The following SHROOM3 variants were observed in gnomAD, a reference collection of about 807,000 sequenced individuals.
SHROOM3 encodes the protein protein Shroom3.
In SHROOM3, 47 loss-of-function variants were observed where a neutral mutation model predicts 138.6. That is an observed-to-expected ratio of 0.34 (90% CI 0.27 to 0.43). The LOEUF is 0.43. Ranked by LOEUF, SHROOM3 falls within the 20% of genes least tolerant of loss-of-function variation. SHROOM3 has a pLI of 1.00. For synonymous variants in SHROOM3, 1,062 were observed against 1,063.3 expected (o/e 1.00, Z 0.02); for missense variants, 2,491 against 2,596.5 (o/e 0.96, Z 0.88).
At chr4:76,449,019 C>T (rs1333311096) in intron 1 of SHROOM3, among the ~76,000 whole-genome samples, 1 of 152,176 alleles carries the variant, frequency 6.6e-6, no homozygotes, top group Non-Finnish European at 1.5e-5. Context: ...TGTGTTTTCT[C>T]TTTTCTCCAC....
chr4:76,598,017 A>G (rs1339674055), intron 2 of SHROOM3, among the ~76,000 whole-genome samples: 1 of 142,034 alleles, frequency 7.0e-6, no homozygotes, highest in East Asian at 2.1e-4. Context: ...AGATGAGAAA[A>G]ATCTATGACT....
At chr4:76,565,188 G>A (rs1733698260) in intron 2 of SHROOM3, among the ~76,000 whole-genome samples, 2 of 149,476 alleles carry the variant, frequency 1.3e-5, no homozygotes, top group Admixed American at 1.3e-4. Flanking sequence ...AAAAAGAATG[G>A]CACTCAAATA....
chr4:76,524,569 G>A (rs1453561959), intron 1 of SHROOM3, among the ~76,000 whole-genome samples: 2 of 152,186 alleles, frequency 1.3e-5, no homozygotes, highest in African/African-American at 2.4e-5. Context: ...TAACAAAACA[G>A]GGTTTCTCCC....
intron 1 of SHROOM3, among the ~76,000 whole-genome samples, chr4:76,441,017 A>G (rs1036345612): frequency 5.6e-5 from 8 of 143,776 alleles, no homozygotes; most frequent in Non-Finnish European, 1.1e-4. Context: ...TTCTTTATCT[A>G]TGGAGGCGAG....
chr4:76,704,495 G>A (rs957778006), intron 2 of SHROOM3, among the ~76,000 whole-genome samples: 1 of 152,238 alleles, frequency 6.6e-6, no homozygotes, highest in Non-Finnish European at 1.5e-5. Flanking sequence ...AAACTAAGGA[G>A]TGGTCAGCCA....
At chr4:76,603,460 A>C (rs1470593007) in intron 2 of SHROOM3, among the ~76,000 whole-genome samples, 1 of 152,128 alleles carries the variant, frequency 6.6e-6, no homozygotes, top group African/African-American at 2.4e-5. Context: ...CAAACAAAAA[A>C]AAACCGTACT....
intron 1 of SHROOM3, 26 bp from the exon 2 acceptor site, chr4:76,555,583 G>T: frequency 6.2e-7 from 1 of 1,612,194 alleles, no homozygotes; most frequent in Non-Finnish European, 8.5e-7. Flanking sequence ...CTCACTCGTG[G>T]CTGTCGCATC....
chr4:76,726,204 C>T (rs1720699764), intron 3 of SHROOM3, among the ~76,000 whole-genome samples: 1 of 152,018 alleles, frequency 6.6e-6, no homozygotes, highest in South Asian at 2.1e-4. Flanking sequence ...CACTAGAAAT[C>T]TGTGAGACTC....
intron 2 of SHROOM3, among the ~76,000 whole-genome samples, chr4:76,606,095 C>A (rs1734615022): frequency 6.9e-6 from 1 of 144,712 alleles, no homozygotes; most frequent in Non-Finnish European, 1.5e-5. Context: ...CTCACTGCAA[C>A]CTCCACCTCC....
chr4:76,458,386 C>T (rs1175085929), intron 1 of SHROOM3, among the ~76,000 whole-genome samples: 1 of 152,062 alleles, frequency 6.6e-6, no homozygotes, highest in Non-Finnish European at 1.5e-5. Flanking sequence ...GTATCTTTTT[C>T]TGAAGTCTCT....
At position 76,780,858 on chromosome 4, in the gene SHROOM3, T is replaced by G. The variant is rs915406240; in HGVS notation, c.*1681T>G. The G allele has an allele frequency of 7.2e-5, 11 of 152,192 alleles. No homozygotes were observed. The highest frequency in any genetic ancestry group is 2.7e-4 in the African/African-American group (11 of 41,438). 9.4% of individuals were successfully genotyped at this position (152,192 alleles called of 1,614,324 possible). A position where few individuals can be genotyped will look rare whatever the true frequency, so the allele number is the denominator to read the frequency against. On this transcript the variant is annotated 3_prime_UTR_variant, in exon 11 of 11. Coordinates refer to ENST00000296043, the MANE Select transcript of SHROOM3 (RefSeq NM_020859.4). ...GAAAGCAGTAGAACCAGTGACAGCA[T>G]TCAACAGCCACACTGCATGGTCATC...
intron 1 of SHROOM3, among the ~76,000 whole-genome samples, chr4:76,552,016 C>A (rs530386925): frequency 8.1e-6 from 1 of 123,150 alleles, no homozygotes; most frequent in African/African-American, 3.3e-5. Context: ...CGCCCGCCAT[C>A]ACGCCCGGCT....
intron 1 of SHROOM3, among the ~76,000 whole-genome samples, chr4:76,482,462 C>T (rs1435965828): frequency 6.6e-6 from 1 of 152,048 alleles, no homozygotes; most frequent in Non-Finnish European, 1.5e-5. Context: ...TGTGAAGGAC[C>T]TCTTCAAGGA....
At chr4:76,770,324 C>CAAA (rs529468839) in intron 9 of SHROOM3, among the ~76,000 whole-genome samples, 12 of 36,084 alleles carry the variant, frequency 3.3e-4, no homozygotes, top group African/African-American at 7.0e-4. Context: ...AACTCTGTCT[C>CAAA]AAAAAAAAAA....
intron 2 of SHROOM3, among the ~76,000 whole-genome samples, chr4:76,626,092 G>C (rs10029626): frequency 1.3e-5 from 2 of 152,036 alleles, no homozygotes; most frequent in East Asian, 3.8e-4. Context: ...GCTCTTTATA[G>C]CATTATATAG....
rs532242131 is a variant in SHROOM3 at position 76,451,612 on chromosome 4, T to C, written c.168+15392T>C. ...AATGTTCTATATCTTAATAGTGATA[T>C]GTGCTATGTGGATATATGCATTTGT... On this transcript the variant is annotated intron_variant, in intron 1 of 10. Coordinates refer to ENST00000296043, the MANE Select transcript of SHROOM3 (RefSeq NM_020859.4). Among the ~76,000 whole-genome samples, 6 of 152,350 alleles carry C rather than the reference T, an allele frequency of 3.9e-5. No individual in the cohort carries two copies. In the South Asian group the frequency reaches 1.2e-3, roughly 32 times the overall value.
At chr4:76,440,454 G>A (rs11723217) in intron 1 of SHROOM3, among the ~76,000 whole-genome samples, 24,365 of 152,108 alleles carry the variant, frequency 0.16, 2,004 homozygotes, top group South Asian at 0.23. Context: ...TCTGAGTGAA[G>A]TATGGGATTG....
chr4:76,754,966 C>A lies in SHROOM3; in HGVS notation c.4483C>A (p.Arg1495=). 6.2e-7 allele frequency: 1 copy of A among 1,614,112 alleles called. No individual in the cohort carries two copies. Among genetic ancestry groups the A allele is most frequent in the Non-Finnish European group, 8.5e-7 (1 of 1,179,978 alleles). The part of the protein sequence containing the change: ...ISLRISESVL[R]DSPPPHEDYE... The stretch of plus-strand genomic sequence containing the variant: ...CCTCCGAATATCTGAGTCTGTCCTG[C>A]GGGACTCCCCGCCACCTCATGAGGA... Residue 1495 remains arginine, a synonymous_variant, in exon 7 of 11, where the codon CGG becomes AGG. Transcript: ENST00000296043.
chr4:76,693,378 T>TTTTGTTG (rs1719619815), intron 2 of SHROOM3, among the ~76,000 whole-genome samples: 1 of 132,150 alleles, frequency 7.6e-6, no homozygotes, highest in Admixed American at 7.7e-5. Context: ...TTGTTTTTTT[T>TTTTGTTG]TTTTTTTTTT....
Sources: gnomAD v4.1 joint callset for allele counts (sites outside exome capture counted in the v4.1 genomes callset) on GRCh38, gnomAD v4.1.1 for gene constraint, MANE v1.5 for transcripts, NCBI Gene and HGNC (gene_info 2026-07-23, HGNC 2026-07-21) for gene names.